The following XRCC4 variants were observed in gnomAD, a reference collection of about 807,000 sequenced individuals.
XRCC4 encodes the protein DNA repair protein XRCC4.
In XRCC4, 28 loss-of-function variants were observed where a neutral mutation model predicts 39.1. The ratio of observed to expected loss-of-function variants is 0.72; its 90% confidence interval spans 0.53 to 0.98. XRCC4 has a LOEUF of 0.98. XRCC4 is among the 50% of genes least tolerant of loss of function. XRCC4 has a pLI of 0.00. For missense variants in XRCC4, 350 were observed against 376.4 expected, an observed-to-expected ratio of 0.93 and a Z score of 0.58; for synonymous variants, 123 against 126.4, an observed-to-expected ratio of 0.97 and a Z score of 0.18.
rs769282521 is a variant in XRCC4, at chr5:83,139,263, G to A, written c.315+28060G>A. On this transcript the variant is annotated intron_variant, in intron 3 of 7. Coordinates refer to ENST00000396027, the MANE Select transcript of XRCC4 (RefSeq NM_003401.5). ...AGTTTGTAGGACGTCCTTCACTTTG[G>A]ATTTTTCCTCAAGATTAGATTGAGT... Among the ~76,000 whole-genome samples, 149 of 152,114 alleles carry A rather than the reference G, an allele frequency of 9.8e-4. 1 individual carries two copies. Among genetic ancestry groups the A allele is most frequent in the Middle Eastern group, 3.4e-3 (1 of 294 alleles).
intron 7 of XRCC4, among the ~76,000 whole-genome samples, chr5:83,264,670 C>G (rs1753892492): frequency 6.6e-6 from 1 of 152,060 alleles, no homozygotes; most frequent in Non-Finnish European, 1.5e-5. Context: ...TTGCAGATCC[C>G]TCTCTCTTCC....
intron 7 of XRCC4, among the ~76,000 whole-genome samples, chr5:83,305,817 T>A (rs1455620435): frequency 2.0e-5 from 3 of 152,078 alleles, no homozygotes; most frequent in Non-Finnish European, 2.9e-5. Flanking sequence ...GTCTCAACAA[T>A]TAAACATTCA....
intron 7 of XRCC4, among the ~76,000 whole-genome samples, chr5:83,306,519 C>T (rs374608251): frequency 7.1e-4 from 108 of 151,938 alleles, no homozygotes; most frequent in African/African-American, 2.5e-3. Context: ...CCAAGAATGA[C>T]TTTTAAAGCA....
chr5:83,285,158 T>C (rs1208049270), intron 7 of XRCC4, among the ~76,000 whole-genome samples: 1 of 152,144 alleles, frequency 6.6e-6, no homozygotes, highest in Non-Finnish European at 1.5e-5. Context: ...AAAAAGCAAG[T>C]TGCAGAATTG....
chr5:83,105,231 T>A (rs534414224), intron 2 of XRCC4, among the ~76,000 whole-genome samples, 173 bp downstream of exon 2: 24 of 152,298 alleles, frequency 1.6e-4, no homozygotes, highest in Admixed American at 1.2e-3. Flanking sequence ...TATTTAATAG[T>A]AATAGAAAAA....
intron 4 of XRCC4, chr5:83,202,248 A>G (rs1751234252): frequency 6.6e-6 from 1 of 152,206 alleles, no homozygotes; most frequent in South Asian, 2.1e-4. Flanking sequence ...ATATTAATTT[A>G]TTCACTTTAT....
intron 7 of XRCC4, among the ~76,000 whole-genome samples, chr5:83,332,270 A>AAGAG (rs149698378): frequency 7.8e-6 from 1 of 128,640 alleles, no homozygotes; most frequent in Non-Finnish European, 1.7e-5. Context: ...CACACACAGA[A>AAGAG]AGAGAGAGAG....
At chr5:83,105,101 G>C in intron 2 of XRCC4, 43 bp downstream of exon 2, 1 of 1,571,836 alleles carries the variant, frequency 6.4e-7, no homozygotes, top group Non-Finnish European at 8.6e-7. Context: ...ATTTAAGTGT[G>C]CTATTCTTCA....
intron 3 of XRCC4, among the ~76,000 whole-genome samples, chr5:83,141,458 C>T (rs1189310886): frequency 6.6e-6 from 1 of 152,176 alleles, no homozygotes; most frequent in Non-Finnish European, 1.5e-5. Context: ...CACACCCTCA[C>T]CAACAGAACC....
chr5:83,084,519 A>G (rs1371748063), intron 1 of XRCC4, among the ~76,000 whole-genome samples: 2 of 152,232 alleles, frequency 1.3e-5, no homozygotes, highest in Admixed American at 1.3e-4. Context: ...CCAAAATTCC[A>G]AACTGTTCAT....
intron 7 of XRCC4, among the ~76,000 whole-genome samples, chr5:83,315,300 G>C (rs1338608369): frequency 6.6e-6 from 1 of 152,112 alleles, no homozygotes; most frequent in Non-Finnish European, 1.5e-5. Context: ...GCCGAGATTG[G>C]TTTAGGAGGT....
At chr5:83,334,628 C>A (rs1209233402) in intron 7 of XRCC4, among the ~76,000 whole-genome samples, 1 of 151,566 alleles carries the variant, frequency 6.6e-6, no homozygotes, top group African/African-American at 2.4e-5. Context: ...AATACAACTA[C>A]TTTTAAAAAT....
chr5:83,159,370 AC>A (rs553709363), intron 3 of XRCC4, among the ~76,000 whole-genome samples: 416 of 152,236 alleles, frequency 2.7e-3, no homozygotes, highest in Admixed American at 8.8e-3. Context: ...GGAATGTTTG[AC>A]CCAGAGTGCT....
chr5:83,290,725 T>C lies in XRCC4; in HGVS notation c.893+32048T>C, dbSNP rs188942372. Among the ~76,000 whole-genome samples, 499 of 151,986 alleles carry C rather than the reference T, an allele frequency of 3.3e-3. 4 individuals carry two copies. Among genetic ancestry groups the C allele is most frequent in the African/African-American group, 0.012 (478 of 41,530 alleles). ...AATTAGTATGAAGGAGTTCAAGTTC[T>C]CCACAATTTTTTCCCTAATTAAATA... On this transcript the variant is annotated intron_variant, in intron 7 of 7. Coordinates refer to ENST00000396027, the MANE Select transcript of XRCC4 (RefSeq NM_003401.5).
intron 7 of XRCC4, among the ~76,000 whole-genome samples, chr5:83,314,548 A>T (rs1247305952): frequency 1.3e-5 from 2 of 152,148 alleles, no homozygotes; most frequent in African/African-American, 4.8e-5. Flanking sequence ...ATATTTTATA[A>T]ATTGAACATC....
At chr5:83,174,382 A>G (rs1749860520) in intron 3 of XRCC4, among the ~76,000 whole-genome samples, 1 of 152,164 alleles carries the variant, frequency 6.6e-6, no homozygotes, top group African/African-American at 2.4e-5. Flanking sequence ...CTGTTTCTCT[A>G]TGGATATCAC....
At position 83,169,080 on chromosome 5, in the gene XRCC4, CTCAA is replaced by C. The variant is rs1749613813; in HGVS notation, c.316-26686_316-26683del. The stretch of plus-strand genomic sequence containing the variant: ...GTTAAGTGGGTGATTATCTGATGTG[CTCAA>C]TCATTTTCAATTAGAGTTAAAATTT... On this transcript the variant is annotated intron_variant, in intron 3 of 7. Transcript: ENST00000396027. Among the ~76,000 whole-genome samples, 2 of 152,068 alleles carry C rather than the reference CTCAA, an allele frequency of 1.3e-5. 1 individual carries two copies. Among genetic ancestry groups the C allele is most frequent in the South Asian group, 4.1e-4 (2 of 4,838 alleles).
chr5:83,299,030 TTC>T (rs1755186693), intron 7 of XRCC4, among the ~76,000 whole-genome samples: 1 of 152,102 alleles, frequency 6.6e-6, no homozygotes. Context: ...TTCATTTTTT[TTC>T]TCCTTGCTTT....
At position 83,134,695 on chromosome 5, in the gene XRCC4, C is replaced by T. The variant is rs1747796809; in HGVS notation, c.315+23492C>T. Among the ~76,000 whole-genome samples the T allele has an allele frequency of 2.0e-5, 3 of 152,152 alleles. No individual in the cohort carries two copies. The South Asian group carries it at 6.2e-4, about 32-fold the overall frequency. ...CCAGCAGCAGCAACTCACTCGGGTA[C>T]CCTTGCGTGTTGTGGAAGCTTTGTT... On this transcript the variant is annotated intron_variant, in intron 3 of 7. Transcript: ENST00000396027.
Sources: allele counts gnomAD v4.1 joint callset (sites outside exome capture counted in the v4.1 genomes callset), GRCh38; gene constraint gnomAD v4.1.1; transcripts MANE v1.5; gene names NCBI Gene and HGNC (gene_info 2026-07-23, HGNC 2026-07-21).